CCBE1: variants seen among roughly 807,000 people sequenced by gnomAD.
The protein encoded by CCBE1 is collagen and calcium-binding EGF domain-containing protein 1.
CCBE1 carries 37 observed loss-of-function variants against 50.0 expected under a neutral mutation model. The ratio of observed to expected loss-of-function variants is 0.74; its 90% confidence interval spans 0.57 to 0.97. The LOEUF is 0.97. Among genes scored for constraint, CCBE1 ranks in the 50% least tolerant of loss-of-function variants. The pLI, the probability that CCBE1 is intolerant of heterozygous loss-of-function variation, is 0.00. For synonymous variants in CCBE1, 234 were observed against 203.7 expected (o/e 1.15, Z -1.27); for missense variants, 538 against 523.8 (o/e 1.03, Z -0.26).
intron 7 of CCBE1, among the ~76,000 whole-genome samples, chr18:59,447,491 T>C (rs895483354): frequency 5.3e-5 from 8 of 152,208 alleles, no homozygotes; most frequent in African/African-American, 1.9e-4. Context: ...TACAGTTGAC[T>C]TGTAAAAACA....
chr18:59,490,204 C>A (rs748586151), intron 2 of CCBE1, among the ~76,000 whole-genome samples: 1 of 151,898 alleles, frequency 6.6e-6, no homozygotes, highest in Admixed American at 6.6e-5. Context: ...AGGCTCGTCT[C>A]GAACTGCTGA....
intron 2 of CCBE1, among the ~76,000 whole-genome samples, chr18:59,557,611 T>G (rs2052672282): frequency 6.6e-6 from 1 of 152,158 alleles, no homozygotes; most frequent in Non-Finnish European, 1.5e-5. Context: ...TAGTAACTTT[T>G]TAACTTCACT....
At chr18:59,586,688 A>C (rs937091446) in intron 2 of CCBE1, among the ~76,000 whole-genome samples, 3 of 152,232 alleles carry the variant, frequency 2.0e-5, no homozygotes, top group Non-Finnish European at 2.9e-5. Flanking sequence ...TGCATGACAA[A>C]GCCCAAAATT....
intron 2 of CCBE1, among the ~76,000 whole-genome samples, chr18:59,508,059 A>T (rs1192620386): frequency 4.0e-5 from 6 of 151,268 alleles, no homozygotes; most frequent in African/African-American, 4.9e-5. Flanking sequence ...ACCCAGCTAA[A>T]TTTTTTATAT....
rs1910122690 is a variant in CCBE1, at chr18:59,435,798, G to A, written c.*110C>T. On this transcript the variant is annotated 3_prime_UTR_variant, in exon 11 of 11. Coordinates refer to ENST00000439986, the MANE Select transcript of CCBE1 (RefSeq NM_133459.4). ...GTGGAGAGACGTCAGGAGAAGAGAA[G>A]AGAAAAATGTATGTTTTCTAGGTCT... The A allele has an allele frequency of 2.1e-6, 2 of 974,994 alleles. No individual in the cohort carries two copies. Among genetic ancestry groups the A allele is most frequent in the Non-Finnish European group, 1.7e-6 (1 of 600,200 alleles). 60.4% of individuals were successfully genotyped at this position (974,994 alleles called of 1,614,324 possible). A position where few individuals can be genotyped will look rare whatever the true frequency, so the allele number is the denominator to read the frequency against.
intron 2 of CCBE1, among the ~76,000 whole-genome samples, chr18:59,594,568 A>T (rs2053322332): frequency 6.6e-6 from 1 of 152,220 alleles, no homozygotes; most frequent in African/African-American, 2.4e-5. Context: ...TACAAAGTTA[A>T]GGCATCAAAA....
At position 59,469,331 on chromosome 18, in the gene CCBE1, G is replaced by A. The variant is rs558307491; in HGVS notation, c.400+142C>T. The stretch of plus-strand genomic sequence containing the variant: ...AATTGGTTTTAGTAATTGTGATGAA[G>A]GGCAGTGATAAGCTATCCCTAGGAT... On this transcript the variant is annotated intron_variant, in intron 4 of 10. Coordinates refer to ENST00000439986, the MANE Select transcript of CCBE1 (RefSeq NM_133459.4). The A allele has an allele frequency of 5.2e-6, 6 of 1,145,630 alleles. No homozygotes were observed. In the African/African-American group the frequency reaches 9.1e-5, roughly 17 times the overall value. The allele number at this position is 1,145,630 out of a possible 1,614,324, so 71.0% of individuals were successfully genotyped here.
Position 59,591,015 on chromosome 18 carries a change from C to T in CCBE1, c.212+105614G>A, listed in dbSNP as rs565173121. Among the ~76,000 whole-genome samples, 4 of 32,472 alleles carry T rather than the reference C, an allele frequency of 1.2e-4. 1 individual carries two copies. Among genetic ancestry groups the T allele is most frequent in the East Asian group, 3.2e-3 (1 of 314 alleles). The allele number at this position is 32,472 out of a possible 152,430, so 21.3% of individuals were successfully genotyped here. Reference sequence around the variant, plus strand: ...ATCCCAGCACTTTGGGAGGCCGAGGCGGGTGGATCACGAGGTCAGGAGATC... The same window carrying T: ...ATCCCAGCACTTTGGGAGGCCGAGGTGGGTGGATCACGAGGTCAGGAGATC... On this transcript the variant is annotated intron_variant, in intron 2 of 10. Coordinates refer to ENST00000439986, the MANE Select transcript of CCBE1 (RefSeq NM_133459.4).
At chr18:59,634,119 C>A (rs1172722620) in intron 2 of CCBE1, among the ~76,000 whole-genome samples, 1 of 152,184 alleles carries the variant, frequency 6.6e-6, no homozygotes, top group Non-Finnish European at 1.5e-5. Flanking sequence ...ATGTGACAAG[C>A]TAAAACTCAA....
chr18:59,508,711 C>CTTTTTTTTTTTTTTTTTTTTTTTTT lies in CCBE1; in HGVS notation c.213-28474_213-28473insAAAAAAAAAAAAAAAAAAAAAAAAA, dbSNP rs55881131. Among the ~76,000 whole-genome samples, 6 of 95,692 alleles carry CTTTTTTTTTTTTTTTTTTTTTTTTT rather than the reference C, an allele frequency of 6.3e-5. 1 individual carries two copies. Among genetic ancestry groups the CTTTTTTTTTTTTTTTTTTTTTTTTT allele is most frequent in the African/African-American group, 1.8e-4 (4 of 22,086 alleles). 62.8% of individuals were successfully genotyped at this position (95,692 alleles called of 152,430 possible). A position where few individuals can be genotyped will look rare whatever the true frequency, so the allele number is the denominator to read the frequency against. On this transcript the variant is annotated intron_variant, in intron 2 of 10. Coordinates refer to ENST00000439986, the MANE Select transcript of CCBE1 (RefSeq NM_133459.4). ...AGCACAGTACACACATAGAGTTACG[C>CTTTTTTTTTTTTTTTTTTTTTTTTT]TTTTTTTTTTTTTTTTTTTTTTGAG...
chr18:59,532,159 G>T (rs1340871314), intron 2 of CCBE1, among the ~76,000 whole-genome samples: 1 of 152,054 alleles, frequency 6.6e-6, no homozygotes. Flanking sequence ...TCTGTCTCCT[G>T]GATTCAAGCA....
At chr18:59,639,679 A>G (rs28875780) in intron 2 of CCBE1, among the ~76,000 whole-genome samples, 4,116 of 152,282 alleles carry the variant, frequency 0.027, 174 homozygotes, top group African/African-American at 0.094. Context: ...AGGTATCAAA[A>G]TATTAAGAGA....
chr18:59,694,019 G>A (rs1315184780), intron 2 of CCBE1, among the ~76,000 whole-genome samples: 1 of 151,726 alleles, frequency 6.6e-6, no homozygotes, highest in African/African-American at 2.4e-5. Flanking sequence ...CTACAGGTGT[G>A]TGCCACCACA....
intron 2 of CCBE1, among the ~76,000 whole-genome samples, chr18:59,481,680 G>A (rs1453463967): frequency 6.6e-6 from 1 of 152,156 alleles, no homozygotes; most frequent in East Asian, 1.9e-4. Context: ...TTTGAGTGCT[G>A]AGAAAACAAA....
chr18:59,482,740 T>C (rs1457871863), intron 2 of CCBE1, among the ~76,000 whole-genome samples: 2 of 152,014 alleles, frequency 1.3e-5, no homozygotes, highest in African/African-American at 4.8e-5. Context: ...TCTCATTGTC[T>C]CCTGCTCGCA....
intron 2 of CCBE1, among the ~76,000 whole-genome samples, chr18:59,681,155 G>A (rs1489483405): frequency 2.0e-5 from 3 of 151,978 alleles, no homozygotes; most frequent in East Asian, 1.9e-4. Context: ...TTTAAACAGA[G>A]CCAAATATGG....
At chr18:59,688,631 G>A (rs2054689215) in intron 2 of CCBE1, among the ~76,000 whole-genome samples, 1 of 152,224 alleles carries the variant, frequency 6.6e-6, no homozygotes, top group Non-Finnish European at 1.5e-5. Flanking sequence ...AAGGCAGCAG[G>A]AAGTGAGTGC....
intron 2 of CCBE1, among the ~76,000 whole-genome samples, chr18:59,585,010 C>T (rs2053157559): frequency 6.6e-6 from 1 of 152,138 alleles, no homozygotes; most frequent in Admixed American, 6.5e-5. Context: ...GAATGCAACA[C>T]ACATGTTCTG....
At chr18:59,621,060 T>C (rs1379223974) in intron 2 of CCBE1, among the ~76,000 whole-genome samples, 2 of 152,152 alleles carry the variant, frequency 1.3e-5, no homozygotes, top group Non-Finnish European at 2.9e-5. Context: ...GGCAAAAATG[T>C]AACCTGTCTA....
Sources: allele counts gnomAD v4.1 joint callset (sites outside exome capture counted in the v4.1 genomes callset), GRCh38; gene constraint gnomAD v4.1.1; transcripts MANE v1.5; gene names NCBI Gene and HGNC (gene_info 2026-07-23, HGNC 2026-07-21).